RRM2B: variants seen among roughly 807,000 people sequenced by gnomAD.
The protein encoded by RRM2B is ribonucleoside-diphosphate reductase subunit M2 B.
In RRM2B, 20 loss-of-function variants were observed where a neutral mutation model predicts 45.9. The observed-to-expected ratio is 0.44, with a 90% CI of 0.31 to 0.63. RRM2B has a LOEUF of 0.63. Among genes scored for constraint, RRM2B ranks in the 30% least tolerant of loss-of-function variants. The pLI is 0.09. For synonymous variants in RRM2B, 124 were observed against 132.3 expected (o/e 0.94, Z 0.43); for missense variants, 320 against 414.7 (o/e 0.77, Z 1.98).
chr8:102,206,935 T>C lies in RRM2B; in HGVS notation c.*1198A>G, dbSNP rs1380185642. 1 of 152,140 alleles carries C rather than the reference T, an allele frequency of 6.6e-6. No homozygotes were observed. The highest frequency in any genetic ancestry group is 1.5e-5 in the Non-Finnish European group (1 of 68,008). The allele number at this position is 152,140 out of a possible 1,614,324, so 9.4% of individuals were successfully genotyped here. A position where few individuals can be genotyped will look rare whatever the true frequency, so the allele number is the denominator to read the frequency against. Reference sequence around the variant, plus strand: ...CATAAAGAAACACAGCCTAAGTCAATTGCTGGTACACTATTCAGGCTGGTA... The same window carrying C: ...CATAAAGAAACACAGCCTAAGTCAACTGCTGGTACACTATTCAGGCTGGTA... On this transcript the variant is annotated 3_prime_UTR_variant, in exon 9 of 9. Transcript: ENST00000251810.
At chr8:102,216,629 C>T (rs930355190) in intron 6 of RRM2B, among the ~76,000 whole-genome samples, 1 of 152,000 alleles carries the variant, frequency 6.6e-6, no homozygotes, top group Non-Finnish European at 1.5e-5. Flanking sequence ...GAAGAAATAA[C>T]CTTAAAATAG....
At chr8:102,225,361 A>C (rs576134340) in intron 3 of RRM2B, among the ~76,000 whole-genome samples, 27 of 151,234 alleles carry the variant, frequency 1.8e-4, no homozygotes, top group Non-Finnish European at 3.1e-4. Flanking sequence ...AGCCTCCCAA[A>C]TAGCTGGGGC....
chr8:102,221,806 G>T (rs758041347), intron 5 of RRM2B, among the ~76,000 whole-genome samples: 4 of 152,134 alleles, frequency 2.6e-5, no homozygotes, highest in Non-Finnish European at 5.9e-5. Flanking sequence ...CCGTGGGCCT[G>T]CTCATCATTT....
intron 6 of RRM2B, among the ~76,000 whole-genome samples, chr8:102,217,745 TA>T (rs1229661695): frequency 6.6e-6 from 1 of 150,378 alleles, no homozygotes; most frequent in African/African-American, 2.5e-5. Context: ...AATGGATACA[TA>T]AAGGAAAGAG....
rs115715000 is a variant in RRM2B, at chr8:102,216,020, G to A, written c.685-1862C>T. Among the ~76,000 whole-genome samples the A allele has an allele frequency of 8.5e-3, 1,259 of 148,668 alleles. 15 individuals are homozygous for A. The highest frequency in any genetic ancestry group is 0.03 in the African/African-American group (1,217 of 40,272). On this transcript the variant is annotated intron_variant, in intron 6 of 8. Transcript: ENST00000251810. ...AGAACACTTTCAAAAGAAAAGTTTC[G>A]ATATTTATCCTACAAATTATTAAAA...
rs181491745 is a variant in RRM2B, at chr8:102,235,732, G to A, written c.48+3095C>T. Among the ~76,000 whole-genome samples the A allele has an allele frequency of 6.6e-5, 10 of 152,234 alleles. No homozygotes were observed. In the East Asian group the frequency reaches 1.9e-3, roughly 29 times the overall value. On this transcript the variant is annotated intron_variant, in intron 1 of 8. Coordinates refer to ENST00000251810, the MANE Select transcript of RRM2B (RefSeq NM_015713.5). Reference sequence around the variant, plus strand: ...CGTACGCCTGTACTCCCAACTACTCGGGAGGCTGAGGCAGGAGAATCACTT... The same window carrying A: ...CGTACGCCTGTACTCCCAACTACTCAGGAGGCTGAGGCAGGAGAATCACTT...
chr8:102,205,604 A>G lies in RRM2B; in HGVS notation c.*2529T>C, dbSNP rs1348835585. The G allele has an allele frequency of 1.3e-5, 2 of 152,190 alleles. No individual in the cohort carries two copies. Among genetic ancestry groups the G allele is most frequent in the African/African-American group, 4.8e-5 (2 of 41,468 alleles). 9.4% of individuals were successfully genotyped at this position (152,190 alleles called of 1,614,324 possible). A position where few individuals can be genotyped will look rare whatever the true frequency, so the allele number is the denominator to read the frequency against. ...ATTTTTAATAAATGCAATCTATCAT[A>G]GAACTGCAAGTTTTTATATTCCTAA... On this transcript the variant is annotated 3_prime_UTR_variant, in exon 9 of 9. Coordinates refer to ENST00000251810, the MANE Select transcript of RRM2B (RefSeq NM_015713.5).
chr8:102,231,297 A>G (rs1563667126), intron 2 of RRM2B, among the ~76,000 whole-genome samples: 1 of 152,144 alleles, frequency 6.6e-6, no homozygotes, highest in East Asian at 1.9e-4. Flanking sequence ...ATTAGTGGCA[A>G]CTCTGTCACG....
chr8:102,236,372 T>C (rs1292919242), intron 1 of RRM2B, among the ~76,000 whole-genome samples: 1 of 152,018 alleles, frequency 6.6e-6, no homozygotes, highest in Admixed American at 6.6e-5. Flanking sequence ...TGAATAGAGG[T>C]GGCATTAGGA....
intron 8 of RRM2B, among the ~76,000 whole-genome samples, chr8:102,212,014 T>C (rs1810643356): frequency 6.6e-6 from 1 of 152,208 alleles, no homozygotes; most frequent in Non-Finnish European, 1.5e-5. Context: ...AATCTGTATT[T>C]CTAATTACCA....
chr8:102,236,217 G>C (rs144244810), intron 1 of RRM2B, among the ~76,000 whole-genome samples: 1 of 152,228 alleles, frequency 6.6e-6, no homozygotes, highest in African/African-American at 2.4e-5. Flanking sequence ...AAACATCGGA[G>C]GTCTAGAAGG....
At chr8:102,238,516 G>A in intron 1 of RRM2B, 2 of 1,430,700 alleles carry the variant, frequency 1.4e-6, no homozygotes, top group Non-Finnish European at 1.9e-6. Flanking sequence ...AGGGAAGGAG[G>A]GTGGGAGAGC....
intron 8 of RRM2B, among the ~76,000 whole-genome samples, chr8:102,211,368 G>T (rs1242526349): frequency 6.6e-6 from 1 of 152,164 alleles, no homozygotes; most frequent in Non-Finnish European, 1.5e-5. Flanking sequence ...TACTTTCATT[G>T]CATTAAAAAT....
intron 6 of RRM2B, among the ~76,000 whole-genome samples, chr8:102,215,366 C>T (rs149635625): frequency 1.8e-3 from 272 of 150,988 alleles, no homozygotes; most frequent in African/African-American, 6.2e-3. Flanking sequence ...GCTGAGATCA[C>T]GCCACTGCAC....
At chr8:102,223,994 C>G in intron 5 of RRM2B, 52 bp downstream of exon 5, 1 of 1,252,386 alleles carries the variant, frequency 8.0e-7, no homozygotes, top group Non-Finnish European at 1.2e-6. Context: ...ACATAAAATA[C>G]TGTCATATCA....
At chr8:102,233,303 T>A (rs773053785) in intron 1 of RRM2B, among the ~76,000 whole-genome samples, 7 of 152,224 alleles carry the variant, frequency 4.6e-5, no homozygotes, top group Non-Finnish European at 8.8e-5. Flanking sequence ...CATACGGCTA[T>A]GCAAATACAG....
chr8:102,213,959 T>C, intron 7 of RRM2B, 95 bp downstream of exon 7: 1 of 844,016 alleles, frequency 1.2e-6, no homozygotes, highest in South Asian at 1.4e-5. Flanking sequence ...GCTGGTATTT[T>C]TATTGACCTA....
chr8:102,234,977 G>A (rs971325409), intron 1 of RRM2B: 1 of 152,402 alleles, frequency 6.6e-6, no homozygotes, highest in African/African-American at 2.4e-5. Context: ...TTGGTTAGTA[G>A]TAATCTGATT....
At chr8:102,212,214 A>G (rs552643956) in intron 8 of RRM2B, among the ~76,000 whole-genome samples, 1 of 152,346 alleles carries the variant, frequency 6.6e-6, no homozygotes, top group East Asian at 1.9e-4. Flanking sequence ...GCAACCTGCC[A>G]AAGGTCACAC....
Sources: allele counts gnomAD v4.1 joint callset (sites outside exome capture counted in the v4.1 genomes callset), GRCh38; gene constraint gnomAD v4.1.1; transcripts MANE v1.5; gene names NCBI Gene and HGNC (gene_info 2026-07-23, HGNC 2026-07-21).